EXOC4: variants seen among roughly 807,000 people sequenced by gnomAD.
EXOC4 encodes exocyst complex component 4.
A neutral mutation model predicts 107.2 loss-of-function variants in EXOC4; 71 were observed. The ratio of observed to expected loss-of-function variants is 0.66; its 90% CI spans 0.55 to 0.81. The LOEUF (loss-of-function observed/expected upper bound fraction) is 0.81, where lower values mean the gene tolerates loss of function less well. Among genes scored for constraint, EXOC4 ranks in the 30% least tolerant of loss-of-function variants. The probability of loss-of-function intolerance (pLI) is 0.00; values close to 1 mark genes in which losing one functional copy is unlikely to be tolerated. For synonymous variants in EXOC4, 456 were observed against 441.2 expected (o/e 1.03, Z -0.42); for missense variants, 1,108 against 1,189.6 (o/e 0.93, Z 1.01).
At chr7:133,909,363 A>G (rs572221767) in intron 12 of EXOC4, among the ~76,000 whole-genome samples, 3 of 152,216 alleles carry the variant, frequency 2.0e-5, no homozygotes, top group Admixed American at 6.5e-5. Flanking sequence ...GTGATTAAAC[A>G]AAACAACAGG....
intron 10 of EXOC4, among the ~76,000 whole-genome samples, chr7:133,643,065 A>G (rs1010603089): frequency 1.3e-5 from 2 of 152,112 alleles, no homozygotes; most frequent in Non-Finnish European, 2.9e-5. Context: ...TATTTTTATT[A>G]TAGCACCTGG....
At chr7:133,963,901 T>G (rs942368404) in intron 14 of EXOC4, among the ~76,000 whole-genome samples, 4 of 152,202 alleles carry the variant, frequency 2.6e-5, no homozygotes, top group Non-Finnish European at 5.9e-5. Context: ...TGTTTTATTT[T>G]TAACGTGGTT....
At chr7:133,418,387 C>T (rs189052717) in intron 7 of EXOC4, among the ~76,000 whole-genome samples, 14 of 152,248 alleles carry the variant, frequency 9.2e-5, no homozygotes, top group African/African-American at 2.4e-4. Context: ...TTGGAGAATA[C>T]GGAATAATCA....
chr7:133,630,027 TTTTC>T lies in EXOC4; in HGVS notation c.1418-11_1418-8del. The stretch of plus-strand genomic sequence containing the variant: ...AGTTTCAATGAGCTAAGTCTGTTTT[TTTTC>T]TTTCTTCTGAAAGGGGGTCCTGATG... On this transcript the variant is annotated splice_polypyrimidine_tract_variant and intron_variant, in intron 9 of 17. Transcript: ENST00000253861. 6.3e-7 allele frequency: 1 copy of T among 1,595,706 alleles called. No individual in the cohort carries two copies. Among genetic ancestry groups the T allele is most frequent in the Middle Eastern group, 1.7e-4 (1 of 6,020 alleles).
intron 13 of EXOC4, among the ~76,000 whole-genome samples, chr7:133,932,351 GGA>G (rs1800197425): frequency 6.6e-6 from 1 of 152,166 alleles, no homozygotes; most frequent in Admixed American, 6.5e-5. Flanking sequence ...GACAGGAGTA[GGA>G]GAGATACTGA....
chr7:133,636,995 T>C lies in EXOC4; in HGVS notation c.1514+6854T>C, dbSNP rs113845198. ...ATTACTCTTAGATGTATATGTTACA[T>C]GTAGAAATCGCCATATTGCAGCAGT... On this transcript the variant is annotated intron_variant, in intron 10 of 17. Transcript: ENST00000253861. 7.3e-3 allele frequency among the ~76,000 whole-genome samples: 1,117 copies of C among 152,326 alleles called. 15 individuals carry two copies. Among genetic ancestry groups the C allele is most frequent in the African/African-American group, 0.025 (1,054 of 41,576 alleles).
chr7:134,027,315 G>A (rs1795161165), intron 17 of EXOC4, among the ~76,000 whole-genome samples: 1 of 152,136 alleles, frequency 6.6e-6, no homozygotes, highest in East Asian at 1.9e-4. Context: ...ACTTCTGTCT[G>A]AGAAAGACAG....
chr7:133,828,543 A>ACT (rs1321687607), intron 11 of EXOC4, among the ~76,000 whole-genome samples: 1 of 152,118 alleles, frequency 6.6e-6, no homozygotes, highest in Non-Finnish European at 1.5e-5. Flanking sequence ...GAGAAACAAG[A>ACT]CTATCTCAGC....
At chr7:133,399,986 A>G (rs1797053447) in intron 7 of EXOC4, among the ~76,000 whole-genome samples, 1 of 152,238 alleles carries the variant, frequency 6.6e-6, no homozygotes, top group South Asian at 2.1e-4. Flanking sequence ...AAGGACTCAT[A>G]GTGAACTAAA....
At chr7:134,003,450 A>G (rs1244647982) in intron 15 of EXOC4, among the ~76,000 whole-genome samples, 1 of 152,176 alleles carries the variant, frequency 6.6e-6, no homozygotes, top group Non-Finnish European at 1.5e-5. Flanking sequence ...TTTGTAAATT[A>G]TTTCTCAATA....
At chr7:133,916,024 T>C (rs1293766121) in intron 12 of EXOC4, among the ~76,000 whole-genome samples, 1 of 152,200 alleles carries the variant, frequency 6.6e-6, no homozygotes, top group Admixed American at 6.5e-5. Context: ...CAGGGTAATA[T>C]TGTTCCCTAC....
At chr7:133,625,672 C>T (rs180964768) in intron 9 of EXOC4, among the ~76,000 whole-genome samples, 3 of 152,218 alleles carry the variant, frequency 2.0e-5, no homozygotes, top group Admixed American at 1.3e-4. Context: ...GTTGTCATTC[C>T]AGCAGTTATC....
chr7:134,090,423 C>G, the EXOC4 span, among the ~76,000 whole-genome samples: 1 of 152,198 alleles, frequency 6.6e-6, no homozygotes, highest in Non-Finnish European at 1.5e-5. Context: ...CTCTTTATGA[C>G]AGAACAATAC....
chr7:133,489,422 G>T (rs540064145), intron 9 of EXOC4, among the ~76,000 whole-genome samples: 1 of 152,216 alleles, frequency 6.6e-6, no homozygotes, highest in African/African-American at 2.4e-5. Context: ...TTTAGAAATC[G>T]AGAACAAATG....
intron 12 of EXOC4, among the ~76,000 whole-genome samples, chr7:133,906,127 G>A (rs1209983554): frequency 6.6e-6 from 1 of 152,162 alleles, no homozygotes; most frequent in Non-Finnish European, 1.5e-5. Flanking sequence ...TGATCGAAGT[G>A]GTGTTTTATG....
intron 10 of EXOC4, among the ~76,000 whole-genome samples, chr7:133,707,515 ATTAAG>A (rs1454117446): frequency 5.3e-5 from 8 of 152,176 alleles, no homozygotes; most frequent in South Asian, 2.1e-4. Context: ...ATACCAATTA[ATTAAG>A]TTTTCTATTT....
chr7:133,651,214 T>C (rs1369915834), intron 10 of EXOC4, among the ~76,000 whole-genome samples: 1 of 152,088 alleles, frequency 6.6e-6, no homozygotes, highest in Non-Finnish European at 1.5e-5. Flanking sequence ...TGTAGCGCCT[T>C]CTGTTCTTTA....
chr7:133,676,870 C>A (rs1794068704), intron 10 of EXOC4, among the ~76,000 whole-genome samples: 1 of 150,052 alleles, frequency 6.7e-6, no homozygotes. Context: ...GAAAGCTATT[C>A]AAAAAGTTAT....
intron 14 of EXOC4, among the ~76,000 whole-genome samples, chr7:133,996,328 C>G (rs1794391991): frequency 6.6e-6 from 1 of 152,030 alleles, no homozygotes; most frequent in Admixed American, 6.5e-5. Flanking sequence ...ATGTTGGAGC[C>G]AGGACTTAAA....
Sources: allele counts gnomAD v4.1 joint callset (sites outside exome capture counted in the v4.1 genomes callset), GRCh38; gene constraint gnomAD v4.1.1; transcripts MANE v1.5; gene names NCBI Gene and HGNC (gene_info 2026-07-23, HGNC 2026-07-21).